Variants in NDST3 observed in about 807,000 individuals in gnomAD.
NDST3 encodes N-deacetylase and N-sulfotransferase 3.
Under a neutral mutation model 96.1 loss-of-function variants are expected in NDST3, and 58 were observed. The observed-to-expected ratio is 0.60, with a 90% confidence interval of 0.49 to 0.75. The LOEUF is 0.75. NDST3 is among the 30% of genes least tolerant of loss of function. The probability of loss-of-function intolerance (pLI) is 0.00; values close to 1 mark genes in which losing one functional copy is unlikely to be tolerated. For missense variants in NDST3, 788 were observed against 1,034.2 expected, an observed-to-expected ratio of 0.76 and a Z score of 3.27; for synonymous variants, 333 against 359.7, an observed-to-expected ratio of 0.93 and a Z score of 0.84.
In NDST3 at chr4:118,237,067, C is replaced by T. The variant is rs764735256; in HGVS notation, c.1965C>T (p.Val655=). 3.1e-6 allele frequency: 5 copies of T among 1,607,218 alleles called. No individual in the cohort carries two copies. The highest frequency in any genetic ancestry group is 1.7e-4 in the Middle Eastern group (1 of 6,044). Residue 655 remains valine (V), a synonymous_variant, in exon 10 of 14, where the codon GTC becomes GTT. Coordinates refer to ENST00000296499, the MANE Select transcript of NDST3 (RefSeq NM_004784.3). Reference sequence around the variant, plus strand: ...CTAGGTATATGGATTTCTTCCCAGTCCCATCTAATGTCACTACCGACTTTT... The same window carrying T: ...CTAGGTATATGGATTTCTTCCCAGTTCCATCTAATGTCACTACCGACTTTT... The part of the protein sequence containing the change: ...GIDWYMDFFP[V]PSNVTTDFLF...
chr4:118,066,578 A>G (rs1293299608), intron 2 of NDST3, among the ~76,000 whole-genome samples: 1 of 65,046 alleles, frequency 1.5e-5, no homozygotes, highest in Admixed American at 2.7e-4. Context: ...TATATACATT[A>G]TATATAACAT....
intron 2 of NDST3, among the ~76,000 whole-genome samples, chr4:118,060,725 C>CT (rs527464669): frequency 2.2e-4 from 33 of 150,694 alleles, no homozygotes; most frequent in South Asian, 8.4e-4. Context: ...TATTTTATCT[C>CT]TTTTTTTTTA....
At chr4:118,202,819 G>C (rs1050106430) in intron 6 of NDST3, among the ~76,000 whole-genome samples, 3 of 152,176 alleles carry the variant, frequency 2.0e-5, no homozygotes, top group Non-Finnish European at 4.4e-5. Flanking sequence ...TCTCTTGCCT[G>C]ATTGTTCCAG....
At chr4:118,186,290 T>C (rs1736953305) in intron 6 of NDST3, among the ~76,000 whole-genome samples, 1 of 152,172 alleles carries the variant, frequency 6.6e-6, no homozygotes, top group Non-Finnish European at 1.5e-5. Flanking sequence ...AATTCCTCCA[T>C]TTTGATTAAC....
At chr4:118,044,856 A>T (rs879172118) in intron 1 of NDST3, among the ~76,000 whole-genome samples, 3 of 152,144 alleles carry the variant, frequency 2.0e-5, no homozygotes, top group African/African-American at 7.2e-5. Flanking sequence ...ACTTGCTTTT[A>T]TGACACTCTT....
intron 1 of NDST3, among the ~76,000 whole-genome samples, chr4:118,039,748 C>A (rs1724341629): frequency 6.6e-6 from 1 of 151,932 alleles, no homozygotes; most frequent in South Asian, 2.1e-4. Context: ...AACTTTCAGA[C>A]AAAGGTAGCA....
Position 118,253,504 on chromosome 4 carries a change from A to G in NDST3, c.2405A>G (p.Asp802Gly). Residue 802 changes from aspartate (D) to glycine (G), a missense_variant, in exon 13 of 14, where the codon GAT becomes GGT. Physicochemically the swap from Asp to Gly is moderately conservative, Grantham distance 94. Around this residue, in one of 3 missense-constraint regions of NDST3, gnomAD observed 490 missense variants for 708.8 expected, o/e 0.69. Transcript: ENST00000296499. The part of the protein sequence containing the change: ...HYNYSEALTF[D>G]SHKGFWCQLL... ...TGTATTCTTTTTTTTTTTAGGTTTG[A>G]TTCTCATAAAGGTTTCTGGTGTCAG... 1 of 1,587,272 alleles carries G rather than the reference A, an allele frequency of 6.3e-7. No homozygotes were observed. The highest frequency in any genetic ancestry group is 8.6e-7 in the Non-Finnish European group (1 of 1,164,902).
At chr4:118,089,255 G>T (rs1728674822) in intron 2 of NDST3, among the ~76,000 whole-genome samples, 1 of 151,696 alleles carries the variant, frequency 6.6e-6, no homozygotes, top group Non-Finnish European at 1.5e-5. Flanking sequence ...GTTCTCCATG[G>T]TATGCAGACA....
In NDST3 at chr4:118,036,311, AT is replaced by A. The variant is rs1416220530; in HGVS notation, c.-156+1726del. ...GTGCATTTGTTAAGATGCAAAATAT[AT>A]TTTTTTAAACTATATGTAAATACTT... On this transcript the variant is annotated intron_variant, in intron 1 of 13. Transcript: ENST00000296499. Among the ~76,000 whole-genome samples the A allele has an allele frequency of 7.9e-5, 12 of 152,148 alleles. No individual in the cohort carries two copies. In the East Asian group the frequency reaches 9.6e-4, roughly 12 times the overall value.
chr4:118,175,861 G>A (rs1041071304), intron 6 of NDST3, among the ~76,000 whole-genome samples: 7 of 152,092 alleles, frequency 4.6e-5, no homozygotes, highest in Admixed American at 3.9e-4. Flanking sequence ...GTAAATGTGT[G>A]TTCTCAGTGT....
chr4:118,162,382 G>A (rs983818015), intron 6 of NDST3, among the ~76,000 whole-genome samples: 9 of 152,114 alleles, frequency 5.9e-5, no homozygotes, highest in Non-Finnish European at 7.3e-5. Context: ...AAACAGCATG[G>A]TACTGGTACC....
intron 3 of NDST3, among the ~76,000 whole-genome samples, chr4:118,111,654 A>G (rs1730651759): frequency 6.6e-6 from 1 of 151,394 alleles, no homozygotes; most frequent in Non-Finnish European, 1.5e-5. Context: ...CTCCTGCCTC[A>G]GCCTCCTGAG....
intron 3 of NDST3, among the ~76,000 whole-genome samples, chr4:118,114,355 G>A (rs1382146131): frequency 3.3e-5 from 5 of 152,250 alleles, no homozygotes; most frequent in South Asian, 4.1e-4. Context: ...CCAGACCTAA[G>A]GAGGAACCCG....
At chr4:118,063,023 T>A (rs1726022919) in intron 2 of NDST3, among the ~76,000 whole-genome samples, 1 of 151,916 alleles carries the variant, frequency 6.6e-6, no homozygotes, top group Non-Finnish European at 1.5e-5. Context: ...AAACCCCATC[T>A]CTACTAAAAA....
Position 118,114,891 on chromosome 4 carries a change from G to A in NDST3, c.1155G>A (p.Met385Ile). The change falls in exon 4 of 14, where the codon ATG (methionine) becomes ATA (isoleucine). Residue 385 changes from methionine (M) to isoleucine (I), a missense_variant. By Grantham distance (10) the Met-to-Ile change is conservative (BLOSUM62 1). Coordinates refer to ENST00000296499, the MANE Select transcript of NDST3 (RefSeq NM_004784.3). ...FWWFPHMWSH[M>I]QPHLFHNESS... is the part of the protein sequence containing the mutation. ...GGTTTCCTCACATGTGGAGCCATAT[G>A]CAGCCCCACCTCTTCCACAATGAGT... 1 of 1,614,118 alleles carries A rather than the reference G, an allele frequency of 6.2e-7. No homozygotes were observed. The highest frequency in any genetic ancestry group is 2.2e-5 in the East Asian group (1 of 44,874).
intron 3 of NDST3, among the ~76,000 whole-genome samples, chr4:118,113,657 A>G (rs1240776364): frequency 6.6e-6 from 1 of 152,222 alleles, no homozygotes; most frequent in African/African-American, 2.4e-5. Flanking sequence ...TGACTGGTCC[A>G]GGGTAGCAGT....
chr4:118,127,237 C>T (rs1028169578), intron 4 of NDST3, among the ~76,000 whole-genome samples: 1 of 151,904 alleles, frequency 6.6e-6, no homozygotes, highest in Non-Finnish European at 1.5e-5. Context: ...GTTGCCTGTG[C>T]TTGTGGGGTA....
At chr4:118,081,265 A>C (rs975680180) in intron 2 of NDST3, among the ~76,000 whole-genome samples, 1 of 152,172 alleles carries the variant, frequency 6.6e-6, no homozygotes, top group African/African-American at 2.4e-5. Flanking sequence ...CTCATATATT[A>C]GTTTCCTTAT....
In NDST3 at chr4:118,094,510, A is replaced by G. The variant is rs17515561; in HGVS notation, c.982-10508A>G. ...TTATCTACCCACTTGGTGCAACATG[A>G]TTGTAAATGTGCCCCTTGTTTTGGG... is the stretch of plus-strand genomic sequence containing the variant. On this transcript the variant is annotated intron_variant, in intron 2 of 13. Coordinates refer to ENST00000296499, the MANE Select transcript of NDST3 (RefSeq NM_004784.3). Among the ~76,000 whole-genome samples, 628 of 151,934 alleles carry G rather than the reference A, an allele frequency of 4.1e-3. 1 individual carries two copies. The highest frequency in any genetic ancestry group is 0.01 in the Middle Eastern group (3 of 294).
Sources: allele counts gnomAD v4.1 joint callset (sites outside exome capture counted in the v4.1 genomes callset), GRCh38; gene constraint gnomAD v4.1.1; regional missense constraint gnomAD v4.1.1; transcripts MANE v1.5; gene names NCBI Gene and HGNC (gene_info 2026-07-23, HGNC 2026-07-21).